SEC16A: variants seen among roughly 807,000 people sequenced by gnomAD.
SEC16A encodes the protein SEC16 homolog A, endoplasmic reticulum export factor, also known as protein transport protein Sec16A.
SEC16A carries 110 observed loss-of-function variants against 221.9 expected under a neutral mutation model. The ratio of observed to expected loss-of-function variants is 0.50; its 90% CI spans 0.42 to 0.58. SEC16A has a LOEUF of 0.58. Ranked by LOEUF, SEC16A falls within the 20% of genes least tolerant of loss-of-function variation. The pLI is 0.00. For missense variants in SEC16A, 3,165 were observed against 3,097.8 expected (o/e 1.02, Z -0.52); for synonymous variants, 1,393 against 1,257.7 (o/e 1.11, Z -2.28).
intron 30 of SEC16A, 29 bp downstream of exon 30, chr9:136,445,023 T>C: frequency 1.3e-6 from 2 of 1,592,202 alleles, no homozygotes; most frequent in Non-Finnish European, 8.6e-7. Flanking sequence ...CCAGCTCTCA[T>C]GTTAGTGAGG....
Position 136,459,980 on chromosome 9 carries a change from C to G in SEC16A, c.5073+62G>C. On this transcript the variant is annotated intron_variant, in intron 14 of 31. Coordinates refer to ENST00000684901, the MANE Select transcript of SEC16A (RefSeq NM_014866.2). This position sits in a 1 kb window ranked among gnomAD's most constrained non-coding sequence, Gnocchi z 6.1. The stretch of plus-strand genomic sequence containing the variant: ...CACCTCACGGCCTGTGACAGCGTCA[C>G]CCACGAGCAAACTCCACACAGGCAG... 1 of 1,547,680 alleles carries G rather than the reference C, an allele frequency of 6.5e-7. No individual in the cohort carries two copies. Among genetic ancestry groups the G allele is most frequent in the African/African-American group, 1.4e-5 (1 of 73,436 alleles).
rs774550557 is a variant in SEC16A at position 136,441,642 on chromosome 9, G to C, written c.*113C>G. On this transcript the variant is annotated 3_prime_UTR_variant, in exon 32 of 32. Coordinates refer to ENST00000684901, the MANE Select transcript of SEC16A (RefSeq NM_014866.2). The stretch of plus-strand genomic sequence containing the variant: ...GGAGGCACAGTGTGCGACCAGCTCT[G>C]AGTCACTGCTGTGTCTCCCTGGGGG... 1.1e-5 allele frequency: 9 copies of C among 851,292 alleles called. No homozygotes were observed. Among genetic ancestry groups the C allele is most frequent in the Non-Finnish European group, 1.8e-5 (9 of 509,540 alleles). The allele number at this position is 851,292 out of a possible 1,614,324, so 52.7% of individuals were successfully genotyped here.
intron 17 of SEC16A, among the ~76,000 whole-genome samples, chr9:136,458,433 C>A (rs1209797325): frequency 6.7e-6 from 1 of 148,380 alleles, no homozygotes; most frequent in Non-Finnish European, 1.5e-5. Flanking sequence ...TCAAGACCAT[C>A]CTGGCTAACA....
Position 136,458,445 on chromosome 9 carries a change from G to A in SEC16A, c.5409+689C>T, listed in dbSNP as rs184673911. Among the ~76,000 whole-genome samples the A allele has an allele frequency of 1.6e-3, 241 of 149,974 alleles. 3 individuals are homozygous for A. The highest frequency in any genetic ancestry group is 0.015 in the Admixed American group (223 of 15,070). Reference sequence around the variant, plus strand: ...AGATCAAGACCATCCTGGCTAACACGGTGAAACCCCATCTCTACTAAAAAT... The same window carrying A: ...AGATCAAGACCATCCTGGCTAACACAGTGAAACCCCATCTCTACTAAAAAT... On this transcript the variant is annotated intron_variant, in intron 17 of 31. Transcript: ENST00000684901.
rs80306644 is a variant in SEC16A at position 136,461,119 on chromosome 9, G to A, written c.4991+58C>T. 1.8e-4 allele frequency: 253 copies of A among 1,370,454 alleles called. No homozygotes were observed. In the African/African-American group the frequency reaches 2.6e-3, roughly 14 times the overall value. 84.9% of individuals were successfully genotyped at this position (1,370,454 alleles called of 1,614,324 possible). On this transcript the variant is annotated intron_variant, in intron 13 of 31. Transcript: ENST00000684901. ...CGCCTGCCCCCAGGGTGCGGACGCC[G>A]CGTGCTACAGGGAGCCAGCAGGGCT...
chr9:136,465,781 A>G lies in SEC16A; in HGVS notation c.4303+181T>C, dbSNP rs138212809. Among the ~76,000 whole-genome samples, 539 of 152,310 alleles carry G rather than the reference A, an allele frequency of 3.5e-3. 3 individuals are homozygous for G. The highest frequency in any genetic ancestry group is 0.012 in the African/African-American group (502 of 41,574). ...CTCTCAGGCCTTAAACCAAACTGCA[A>G]TCGAAGAGACAGCATCGGCCCGTCC... On this transcript the variant is annotated intron_variant, in intron 8 of 31. Coordinates refer to ENST00000684901, the MANE Select transcript of SEC16A (RefSeq NM_014866.2).
intron 4 of SEC16A, among the ~76,000 whole-genome samples, chr9:136,470,307 C>T (rs1013042972): frequency 6.6e-6 from 1 of 152,238 alleles, no homozygotes; most frequent in Non-Finnish European, 1.5e-5. Context: ...TGGTGAAAGG[C>T]CTTCTCCGTA....
upstream of SEC16A, chr9:136,484,018 C>T: frequency 5.9e-6 from 1 of 168,128 alleles, no homozygotes; most frequent in Non-Finnish European, 1.2e-5. Flanking sequence ...GGAGGGGCGG[C>T]CCGGCCACCG....
intron 1 of SEC16A, among the ~76,000 whole-genome samples, chr9:136,482,579 G>A (rs1362478598): frequency 6.6e-6 from 1 of 152,244 alleles, no homozygotes; most frequent in Admixed American, 6.5e-5. Flanking sequence ...CGCTAAGGAA[G>A]CCTTCTAGCC....
At chr9:136,453,982 G>A in intron 21 of SEC16A, 127 bp downstream of exon 21, 2 of 879,694 alleles carry the variant, frequency 2.3e-6, no homozygotes, top group Non-Finnish European at 3.6e-6. Context: ...CAGAATTTCT[G>A]GTCTACGTTA....
intron 1 of SEC16A, among the ~76,000 whole-genome samples, chr9:136,480,195 G>A (rs1304965266): frequency 6.6e-6 from 1 of 152,134 alleles, no homozygotes; most frequent in East Asian, 1.9e-4. Flanking sequence ...ATCTTCCACT[G>A]GGTCCTACCA....
chr9:136,453,129 T>A (rs1420486462), intron 22 of SEC16A, among the ~76,000 whole-genome samples: 1 of 150,988 alleles, frequency 6.6e-6, no homozygotes, highest in East Asian at 1.9e-4. Flanking sequence ...AAGGTACCCA[T>A]TTTGGAAGAA....
rs960577657 is a variant in SEC16A at position 136,475,906 on chromosome 9, G to A, written c.1710C>T (p.Pro570=). ...TGGTCTCGTCTGTTTCACCTCCTACGGGAGAAGAATCGATTTGCTTAAAAA... is the reference window on the plus strand; with the variant it reads ...TGGTCTCGTCTGTTTCACCTCCTACAGGAGAAGAATCGATTTGCTTAAAAA... ...GSFFKQIDSS[P]VGGETDETTV... The change falls in exon 3 of 32, where the codon CCC becomes CCT. Residue 570 remains proline (P), a synonymous_variant. Coordinates refer to ENST00000684901, the MANE Select transcript of SEC16A (RefSeq NM_014866.2). This position sits in a 1 kb window ranked among gnomAD's most constrained non-coding sequence, Gnocchi z 5.0. 1.3e-5 allele frequency: 21 copies of A among 1,611,194 alleles called. No homozygotes were observed. The highest frequency in any genetic ancestry group is 4.0e-5 in the African/African-American group (3 of 74,856).
rs1400458418 is a variant in SEC16A at position 136,459,823 on chromosome 9, A to C, written c.5125T>G (p.Leu1709Val). The change falls in exon 15 of 32, where the codon TTG becomes GTG. Residue 1709 changes from leucine (L) to valine (V), a missense_variant. Coordinates refer to ENST00000684901, the MANE Select transcript of SEC16A (RefSeq NM_014866.2). The surrounding 1 kb of genome is among the most constrained non-coding windows in gnomAD (Gnocchi z 6.1). ...TCCATGTTGTTGTTCAAGTTGGACA[A>C]GACCATGGCGAGGTGCGGCCTCCAA... ...GDWRPHLAMV[L>V]SNLNNNMDVE... The C allele has an allele frequency of 6.2e-7, 1 of 1,613,680 alleles. No individual in the cohort carries two copies. Among genetic ancestry groups the C allele is most frequent in the Non-Finnish European group, 8.5e-7 (1 of 1,179,778 alleles).
At chr9:136,463,778 C>T (rs746917740) in intron 9 of SEC16A, 38 bp from the exon 10 acceptor site, 31 of 1,606,606 alleles carry the variant, frequency 1.9e-5, no homozygotes, top group East Asian at 4.5e-5. Flanking sequence ...GCAGCCAGTG[C>T]GCAGCCACCC....
At chr9:136,457,377 G>C (rs904772464) in intron 18 of SEC16A, 67 bp downstream of exon 18, 10 of 1,519,070 alleles carry the variant, frequency 6.6e-6, no homozygotes, top group African/African-American at 1.4e-5. Flanking sequence ...CATGCCCGGG[G>C]GCTCTGGCAA....
chr9:136,473,513 C>T lies in SEC16A; in HGVS notation c.3567+536G>A, dbSNP rs373385711. 3.3e-4 allele frequency among the ~76,000 whole-genome samples: 50 copies of T among 152,400 alleles called. No homozygotes were observed. In the East Asian group the frequency reaches 6.0e-3, roughly 18 times the overall value. On this transcript the variant is annotated intron_variant, in intron 3 of 31. Coordinates refer to ENST00000684901, the MANE Select transcript of SEC16A (RefSeq NM_014866.2). ...CAGCCGGTCCCCGAGCCGCTGCCCG[C>T]ACCACCACGTGCTGACAGCAGCTTG...
chr9:136,470,683 C>T (rs955053330), intron 4 of SEC16A, among the ~76,000 whole-genome samples: 10 of 152,320 alleles, frequency 6.6e-5, no homozygotes, highest in East Asian at 5.8e-4. Context: ...CCCTTGGAGC[C>T]GAGTACACCA....
intron 29 of SEC16A, among the ~76,000 whole-genome samples, 156 bp downstream of exon 29, chr9:136,445,489 T>A (rs899282872): frequency 6.6e-6 from 1 of 152,074 alleles, no homozygotes; most frequent in South Asian, 2.1e-4. Context: ...ACAAGTGCAA[T>A]TTTTTTTCCC....
Sources: allele counts gnomAD v4.1 joint callset (sites outside exome capture counted in the v4.1 genomes callset), GRCh38; gene constraint gnomAD v4.1.1; non-coding constraint Gnocchi (gnomAD v3.1); transcripts MANE v1.5; gene names NCBI Gene and HGNC (gene_info 2026-07-23, HGNC 2026-07-21).